FRMD6: variants seen among roughly 807,000 people sequenced by gnomAD.
FRMD6 encodes the protein FERM domain-containing protein 6.
Under a neutral mutation model 73.2 loss-of-function variants are expected in FRMD6, and 37 were observed. The observed-to-expected ratio is 0.51, with a 90% CI of 0.39 to 0.66. The LOEUF is 0.66. Ranked by LOEUF, FRMD6 falls within the 30% of genes least tolerant of loss-of-function variation. The pLI is 0.00. For missense variants in FRMD6, 714 were observed against 780.5 expected (o/e 0.91, Z 1.02); for synonymous variants, 273 against 282.2 (o/e 0.97, Z 0.33).
intron 1 of FRMD6, among the ~76,000 whole-genome samples, chr14:51,522,639 T>C (rs898909687): frequency 6.6e-6 from 1 of 152,296 alleles, no homozygotes; most frequent in East Asian, 1.9e-4. Flanking sequence ...AAAAATATCA[T>C]GGATTTGACA....
chr14:51,666,134 G>A (rs1893573894), intron 1 of FRMD6, among the ~76,000 whole-genome samples: 1 of 152,142 alleles, frequency 6.6e-6, no homozygotes, highest in Non-Finnish European at 1.5e-5. Flanking sequence ...CTCAAATAGT[G>A]CTTTCTTAAT....
At chr14:51,530,975 C>T (rs190211281) in intron 1 of FRMD6, among the ~76,000 whole-genome samples, 45 of 152,252 alleles carry the variant, frequency 3.0e-4, no homozygotes, top group Admixed American at 5.9e-4. Context: ...AAGTCCAATG[C>T]GCCAGCATCT....
intron 2 of FRMD6, among the ~76,000 whole-genome samples, chr14:51,629,970 CAG>C (rs1891275799): frequency 6.6e-6 from 1 of 152,104 alleles, no homozygotes; most frequent in African/African-American, 2.4e-5. Flanking sequence ...TCAAATGAGA[CAG>C]GGCCTTGCTA....
At chr14:51,546,287 T>C (rs1886459226) in intron 1 of FRMD6, among the ~76,000 whole-genome samples, 1 of 152,088 alleles carries the variant, frequency 6.6e-6, no homozygotes, top group Non-Finnish European at 1.5e-5. Context: ...CTGGCTTCTA[T>C]TAGATTATTG....
chr14:51,513,470 A>T (rs1884433980), intron 1 of FRMD6, among the ~76,000 whole-genome samples: 1 of 152,230 alleles, frequency 6.6e-6, no homozygotes, highest in South Asian at 2.1e-4. Flanking sequence ...CTACTAAGTC[A>T]GAAAACCCCG....
intron 2 of FRMD6, among the ~76,000 whole-genome samples, chr14:51,600,739 A>T (rs185119214): frequency 1.3e-5 from 2 of 152,380 alleles, no homozygotes; most frequent in African/African-American, 4.8e-5. Flanking sequence ...CTGGCAATAT[A>T]AGAGAAAAAT....
At chr14:51,593,680 G>C (rs1007606232) in intron 2 of FRMD6, among the ~76,000 whole-genome samples, 1 of 152,154 alleles carries the variant, frequency 6.6e-6, no homozygotes, top group Admixed American at 6.5e-5. Flanking sequence ...TTTTGATTCT[G>C]TCTTCTCTGC....
intron 2 of FRMD6, among the ~76,000 whole-genome samples, chr14:51,604,469 A>G (rs892481713): frequency 2.6e-5 from 4 of 152,230 alleles, no homozygotes; most frequent in Non-Finnish European, 5.9e-5. Context: ...ATTCACAGCA[A>G]GAAGGAAGAT....
chr14:51,542,338 G>A (rs1030716008), intron 1 of FRMD6, among the ~76,000 whole-genome samples: 1 of 151,942 alleles, frequency 6.6e-6, no homozygotes, highest in African/African-American at 2.4e-5. Context: ...CAGTATCCAT[G>A]GATTTGCTCA....
At chr14:51,563,307 G>T (rs1887583417) in intron 1 of FRMD6, among the ~76,000 whole-genome samples, 1 of 152,164 alleles carries the variant, frequency 6.6e-6, no homozygotes, top group African/African-American at 2.4e-5. Flanking sequence ...TTTTATATAA[G>T]ATTTAAATGT....
chr14:51,587,682 G>T (rs546181524), intron 2 of FRMD6, among the ~76,000 whole-genome samples: 4 of 152,178 alleles, frequency 2.6e-5, no homozygotes, highest in Non-Finnish European at 4.4e-5. Context: ...AAAAGGCCAG[G>T]ACCAAACCTA....
chr14:51,480,167 A>C, the FRMD6 span, among the ~76,000 whole-genome samples: 4 of 152,324 alleles, frequency 2.6e-5, no homozygotes, highest in Admixed American at 6.5e-5. Context: ...GATGGAGCCA[A>C]GGTGCTAAGA....
chr14:51,508,107 C>A (rs888495435), intron 1 of FRMD6, among the ~76,000 whole-genome samples: 1 of 152,222 alleles, frequency 6.6e-6, no homozygotes, highest in Admixed American at 6.5e-5. Flanking sequence ...GTCCTCCCTG[C>A]AGCTGCTAAA....
the FRMD6 span, among the ~76,000 whole-genome samples, chr14:51,414,710 A>G: frequency 6.6e-6 from 1 of 152,124 alleles, no homozygotes; most frequent in Non-Finnish European, 1.5e-5. Context: ...TGGTAGTTTG[A>G]TGGGGGTGGC....
chr14:51,458,828 A>C, the FRMD6 span, among the ~76,000 whole-genome samples: 2 of 152,200 alleles, frequency 1.3e-5, no homozygotes, highest in Non-Finnish European at 2.9e-5. Context: ...GCAGCTGCTT[A>C]AGCTGTGTAG....
intron 1 of FRMD6, chr14:51,554,712 G>C (rs1041906451): frequency 6.6e-6 from 1 of 152,192 alleles, no homozygotes; most frequent in African/African-American, 2.4e-5. Context: ...AGCAAGGAAA[G>C]CCTGATAAAC....
At chr14:51,478,451 T>G in the FRMD6 span, among the ~76,000 whole-genome samples, 1 of 152,246 alleles carries the variant, frequency 6.6e-6, no homozygotes, top group South Asian at 2.1e-4. Flanking sequence ...AAAGTATCTA[T>G]TTTAGTGCTT....
chr14:51,581,448 A>G (rs1024420386), intron 2 of FRMD6, among the ~76,000 whole-genome samples: 5 of 152,236 alleles, frequency 3.3e-5, no homozygotes, highest in African/African-American at 1.2e-4. Flanking sequence ...AAGAAGTTTT[A>G]TAATCATTCT....
intron 7 of FRMD6, among the ~76,000 whole-genome samples, chr14:51,710,222 T>C (rs8015071): frequency 0.08 from 12,187 of 152,164 alleles, 696 homozygotes; most frequent in Middle Eastern, 0.15. Context: ...TGTAACATAA[T>C]GAAGTGGGGG....
Sources: allele counts gnomAD v4.1 joint callset (sites outside exome capture counted in the v4.1 genomes callset), GRCh38; gene constraint gnomAD v4.1.1; transcripts MANE v1.5; gene names NCBI Gene and HGNC (gene_info 2026-07-23, HGNC 2026-07-21).